The following PASD1 variants were observed in gnomAD, a reference collection of about 807,000 sequenced individuals.
The protein encoded by PASD1 is PAS domain containing repressor 1.
In PASD1, 13 loss-of-function variants were observed where a neutral mutation model predicts 58.8. The ratio of observed to expected loss-of-function variants is 0.22; its 90% CI spans 0.14 to 0.35. PASD1 has a LOEUF of 0.35. Among genes scored for constraint, PASD1 ranks in the 10% least tolerant of loss-of-function variants. The pLI, the probability that PASD1 is intolerant of heterozygous loss-of-function variation, is 1.00. For missense variants in PASD1, 734 were observed against 568.3 expected, an observed-to-expected ratio of 1.29 and a Z score of -2.96; for synonymous variants, 236 against 216.7, an observed-to-expected ratio of 1.09 and a Z score of -0.78.
At chrX:151,567,925 A>G (rs1264506716) in intron 1 of PASD1, among the ~76,000 whole-genome samples, 2 of 111,298 alleles carry the variant, frequency 1.8e-5, no homozygotes, top group Non-Finnish European at 3.8e-5. Flanking sequence ...GGGTTTTGCT[A>G]TGTTGTCCAG....
chrX:151,667,409 G>T (rs749180774), intron 11 of PASD1, among the ~76,000 whole-genome samples: 3 of 111,306 alleles, frequency 2.7e-5, no homozygotes, highest in African/African-American at 9.8e-5. Flanking sequence ...GTCAATTTTG[G>T]CTTTTGTTGC....
chrX:151,603,394 A>G (rs1431058362), intron 2 of PASD1, among the ~76,000 whole-genome samples: 1 of 112,526 alleles, frequency 8.9e-6, no homozygotes, highest in Non-Finnish European at 1.9e-5. Context: ...GTAATAGTAA[A>G]GTAGAAAAGT....
At chrX:151,598,809 TGATA>T (rs945080554) in intron 1 of PASD1, among the ~76,000 whole-genome samples, 3 of 111,545 alleles carry the variant, frequency 2.7e-5, no homozygotes, top group Non-Finnish European at 5.6e-5. Flanking sequence ...TTTTGGGGAC[TGATA>T]GATTATTATT....
At chrX:151,661,532 C>A (rs1032017796) in intron 10 of PASD1, among the ~76,000 whole-genome samples, 1 of 112,147 alleles carries the variant, frequency 8.9e-6, no homozygotes. Flanking sequence ...TTTAGGATAA[C>A]CTTCATTTAG....
rs915523068 is a variant in PASD1 at position 151,664,440 on chromosome X, T to C, written c.1071+92T>C. On this transcript the variant is annotated intron_variant, in intron 11 of 15. Coordinates refer to ENST00000370357, the MANE Select transcript of PASD1 (RefSeq NM_173493.3). ...TTTTCACTCTTGTGACCAGTTTCACTTCACAGAAAGTATGTTTGTTACTTT... is the reference window on the plus strand; with the variant it reads ...TTTTCACTCTTGTGACCAGTTTCACCTCACAGAAAGTATGTTTGTTACTTT... 7.1e-6 allele frequency: 8 copies of C among 1,133,332 alleles called. No homozygotes were observed. In the African/African-American group the frequency reaches 1.3e-4, roughly 18 times the overall value. The allele number at this position is 1,133,332 out of a possible 1,213,427, so 93.4% of individuals were successfully genotyped here.
At chrX:151,619,769 A>G (rs2124269292) in intron 4 of PASD1, among the ~76,000 whole-genome samples, 1 of 111,525 alleles carries the variant, frequency 9.0e-6, no homozygotes, top group East Asian at 2.8e-4. Flanking sequence ...TGTGGTTTCA[A>G]GAAAGAGCGA....
intron 1 of PASD1, among the ~76,000 whole-genome samples, chrX:151,570,376 T>C: frequency 9.0e-6 from 1 of 111,398 alleles, no homozygotes; most frequent in East Asian, 2.8e-4. Flanking sequence ...TCCCTCAGAG[T>C]GGTAGAATTA....
At chrX:151,609,390 G>T (rs1165058059) in intron 3 of PASD1, among the ~76,000 whole-genome samples, 1 of 111,471 alleles carries the variant, frequency 9.0e-6, no homozygotes, top group East Asian at 2.8e-4. Context: ...ACATTATTGT[G>T]CAACCATCAC....
chrX:151,672,656 T>C lies in PASD1; in HGVS notation c.1911T>C (p.Ser637=), dbSNP rs1192582319. 2 of 1,210,238 alleles carry C rather than the reference T, an allele frequency of 1.7e-6. No individual in the cohort carries two copies. Among genetic ancestry groups the C allele is most frequent in the Non-Finnish European group, 1.1e-6 (1 of 894,904 alleles). The part of the protein sequence containing the change: ...DENCGQQEDE[S]QSFYPEAYQG... Reference sequence around the variant, plus strand: ...ACTGTGGGCAACAGGAAGATGAGAGTCAAAGGTAAGACATGCATGGAATGG... The same window carrying C: ...ACTGTGGGCAACAGGAAGATGAGAGCCAAAGGTAAGACATGCATGGAATGG... The change falls in exon 14 of 16, where the codon AGT becomes AGC. Residue 637 remains serine (S), a synonymous_variant. Transcript: ENST00000370357.
At chrX:151,666,203 T>A (rs1165308271) in intron 11 of PASD1, among the ~76,000 whole-genome samples, 1 of 109,789 alleles carries the variant, frequency 9.1e-6, no homozygotes, top group African/African-American at 3.3e-5. Context: ...TCTTTATCGA[T>A]CAGGACTGTG....
chrX:151,581,720 A>T lies in PASD1; in HGVS notation c.-28+17881A>T, dbSNP rs780620935. Among the ~76,000 whole-genome samples, 3 of 111,090 alleles carry T rather than the reference A, an allele frequency of 2.7e-5. No homozygotes were observed. In the East Asian group the frequency reaches 8.5e-4, roughly 31 times the overall value. Reference sequence around the variant, plus strand: ...TGATTTCTTTTGGAGAGGAACCCATATTAGAACTTGGGGACAAAATGATGA... The same window carrying T: ...TGATTTCTTTTGGAGAGGAACCCATTTTAGAACTTGGGGACAAAATGATGA... On this transcript the variant is annotated intron_variant, in intron 1 of 15. Transcript: ENST00000370357.
chrX:151,631,144 A>G (rs1376959748), intron 8 of PASD1, among the ~76,000 whole-genome samples: 1 of 112,315 alleles, frequency 8.9e-6, no homozygotes, highest in African/African-American at 3.2e-5. Context: ...AACACAGTGC[A>G]ATTTGTTCTT....
rs758774608 is a variant in PASD1, at chrX:151,671,632, G to A, written c.1290G>A (p.Val430=). Residue 430 remains valine, a synonymous_variant, in exon 13 of 16, where the codon GTG becomes GTA. Coordinates refer to ENST00000370357, the MANE Select transcript of PASD1 (RefSeq NM_173493.3). ...CTGATCTCCAATCTTCGGAGGCAGT[G>A]CCCAAGAAACAACAGAAACAACACG... ...VIPDLQSSEA[V]PKKQQKQHAG... 5.0e-6 allele frequency: 6 copies of A among 1,211,754 alleles called. No individual in the cohort carries two copies. The highest frequency in any genetic ancestry group is 2.2e-5 in the Admixed American group (1 of 46,095).
rs142755395 is a variant in PASD1, at chrX:151,673,232, G to C, written c.1916+571G>C. 4.0e-3 allele frequency: 466 copies of C among 117,323 alleles called. 2 individuals are homozygous for C. Among genetic ancestry groups the C allele is most frequent in the African/African-American group, 0.014 (448 of 31,125 alleles). The allele number at this position is 117,323 out of a possible 1,213,427, so 9.7% of individuals were successfully genotyped here. A position where few individuals can be genotyped will look rare whatever the true frequency, so the allele number is the denominator to read the frequency against. ...TGAACACATTTCTGCTCAATAATAA[G>C]GTCTTCAGTTCCAAATGCTAGAAAG... On this transcript the variant is annotated intron_variant, in intron 14 of 15. Coordinates refer to ENST00000370357, the MANE Select transcript of PASD1 (RefSeq NM_173493.3).
At chrX:151,670,022 G>A (rs777366399) in intron 11 of PASD1, among the ~76,000 whole-genome samples, 18 of 111,926 alleles carry the variant, frequency 1.6e-4, no homozygotes, top group Non-Finnish European at 2.8e-4. Context: ...CAGTGTATGA[G>A]CGTTCTTCTT....
At chrX:151,600,616 T>C (rs1475076350) in intron 1 of PASD1, among the ~76,000 whole-genome samples, 13 of 110,230 alleles carry the variant, frequency 1.2e-4, no homozygotes, top group African/African-American at 4.0e-4. Flanking sequence ...CCTGGCTACA[T>C]GTAGGGAGAG....
At chrX:151,624,865 G>A (rs1439603271) in intron 7 of PASD1, among the ~76,000 whole-genome samples, 4 of 111,947 alleles carry the variant, frequency 3.6e-5, no homozygotes, top group Non-Finnish European at 7.5e-5. Flanking sequence ...TAAGGAAGTT[G>A]CCTAATTCAG....
chrX:151,633,486 TAGC>T (rs2013893985), intron 8 of PASD1, among the ~76,000 whole-genome samples: 1 of 111,194 alleles, frequency 9.0e-6, no homozygotes, highest in African/African-American at 3.3e-5. Flanking sequence ...ATCATATTAG[TAGC>T]ATGTACAGGG....
intron 1 of PASD1, among the ~76,000 whole-genome samples, chrX:151,593,361 C>G (rs1227009649): frequency 9.1e-6 from 1 of 109,949 alleles, no homozygotes; most frequent in Admixed American, 9.8e-5. Context: ...TCGTCATTTA[C>G]ATTAGGTATT....
Sources: gnomAD v4.1 joint callset for allele counts (sites outside exome capture counted in the v4.1 genomes callset) on GRCh38, gnomAD v4.1.1 for gene constraint, MANE v1.5 for transcripts, NCBI Gene and HGNC (gene_info 2026-07-23, HGNC 2026-07-21) for gene names.